The following H1-7 variants were observed in gnomAD, a reference collection of about 807,000 sequenced individuals.
H1-7 encodes the protein H1.7 linker histone.
A neutral mutation model predicts 0.3 loss-of-function variants in H1-7; 1 was observed. The ratio of observed to expected loss-of-function variants is 3.06; its 90% CI spans 1.09 to 14.53. H1-7 has a LOEUF of 14.53. Among genes scored for constraint, H1-7 ranks in the 30% most tolerant of loss-of-function variants. The pLI is 0.12. For synonymous variants in H1-7, 177 were observed against 153.2 expected (o/e 1.16, Z -1.15); for missense variants, 393 against 353.1 (o/e 1.11, Z -0.91).
rs1592133625 is a variant in H1-7, at chr12:48,329,589, C to G, written c.298C>G (p.Pro100Ala). The change falls in exon 1 of 1, where the codon CCC (proline) becomes GCC (alanine). Residue 100 changes from proline to alanine, a missense_variant. Coordinates refer to ENST00000335017, the MANE Select transcript of H1-7 (RefSeq NM_181788.1). ...CAGGAAGAGCGGCCGCCACGAAGCGCCCAGGGGGCAGGCCAAGGCCACGCT... is the reference window on the plus strand; with the variant it reads ...CAGGAAGAGCGGCCGCCACGAAGCGGCCAGGGGGCAGGCCAAGGCCACGCT... Reference protein sequence around the residue: ...VRRKSGRHEAPRGQAKATLLR... With the variant: ...VRRKSGRHEAARGQAKATLLR... The G allele has an allele frequency of 6.2e-7, 1 of 1,613,004 alleles. No homozygotes were observed. Among genetic ancestry groups the G allele is most frequent in the Middle Eastern group, 1.7e-4 (1 of 6,058 alleles).
chr12:48,330,022 A>G lies in H1-7; in HGVS notation c.731A>G (p.Gln244Arg), dbSNP rs773071197. Residue 244 changes from glutamine to arginine, a missense_variant, in exon 1 of 1, where the codon CAG becomes CGG. Transcript: ENST00000335017. ...RRSSKPREEK[Q>R]EPKKPAQRTI... ...AGCTCCAAGCCCAGGGAAGAGAAGC[A>G]GGAGCCCAAGAAGCCCGCACAGCGG... The G allele has an allele frequency of 1.9e-6, 3 of 1,613,572 alleles. No individual in the cohort carries two copies. The highest frequency in any genetic ancestry group is 2.5e-6 in the Non-Finnish European group (3 of 1,179,924).
rs1592133438 is a variant in H1-7 at position 48,329,142 on chromosome 12, G to C, written c.-150G>C. 2.3e-6 allele frequency: 2 copies of C among 874,218 alleles called. No homozygotes were observed. Among genetic ancestry groups the C allele is most frequent in the East Asian group, 5.6e-5 (2 of 35,840 alleles). 54.2% of individuals were successfully genotyped at this position (874,218 alleles called of 1,614,324 possible). The stretch of plus-strand genomic sequence containing the variant: ...GGGGTGGACAGGCGCTGAAGACTTG[G>C]ATTGGTTTAGACCTAGAAGGAAGTG... On this transcript the variant is annotated 5_prime_UTR_variant, in exon 1 of 1. Coordinates refer to ENST00000335017, the MANE Select transcript of H1-7 (RefSeq NM_181788.1).
chr12:48,329,198 G>GC lies in H1-7; in HGVS notation c.-90dup, dbSNP rs1952537465. 7.2e-7 allele frequency: 1 copy of GC among 1,382,544 alleles called. No individual in the cohort carries two copies. The highest frequency in any genetic ancestry group is 2.9e-5 in the Admixed American group (1 of 34,620). 85.6% of individuals were successfully genotyped at this position (1,382,544 alleles called of 1,614,324 possible). On this transcript the variant is annotated 5_prime_UTR_variant, in exon 1 of 1. Transcript: ENST00000335017. ...TGATTGGTTATTATAAGTGAAAAGG[G>GC]CCCCTCCCCGGGTGAGATATGCCAG...
At position 48,329,008 on chromosome 12, in the gene H1-7, G is replaced by A. The variant is rs1414218044; in HGVS notation, c.-284G>A. The A allele has an allele frequency of 2.6e-6, 1 of 385,954 alleles. No individual in the cohort carries two copies. The highest frequency in any genetic ancestry group is 4.6e-6 in the Non-Finnish European group (1 of 216,358). The allele number at this position is 385,954 out of a possible 1,614,324, so 23.9% of individuals were successfully genotyped here. On this transcript the variant is annotated 5_prime_UTR_variant, in exon 1 of 1. Transcript: ENST00000335017. ...GGAACTGTGGGTAGATGGTTTGCAG[G>A]ACCACATACACACACAAAATAGCCG... is the stretch of plus-strand genomic sequence containing the variant.
Position 48,329,614 on chromosome 12 carries a change from T to C in H1-7, c.323T>C (p.Leu108Pro), listed in dbSNP as rs766280749. 3.7e-6 allele frequency: 6 copies of C among 1,612,256 alleles called. No individual in the cohort carries two copies. The East Asian group carries it at 1.3e-4, about 36-fold the overall frequency. The part of the protein sequence containing the change: ...EAPRGQAKAT[L>P]LRVSGSDAAG... ...CCCAGGGGGCAGGCCAAGGCCACGC[T>C]CCTCCGGGTCAGCGGCAGCGACGCC... is the stretch of plus-strand genomic sequence containing the variant. Residue 108 changes from leucine (L) to proline (P), a missense_variant, in exon 1 of 1, where the codon CTC (leucine) becomes CCC (proline). By Grantham distance (98) the Leu-to-Pro change is moderately conservative (BLOSUM62 -3). Transcript: ENST00000335017.
rs768801280 is a variant in H1-7 at position 48,329,339 on chromosome 12, A to G, written c.48A>G (p.Arg16=). 6.2e-6 allele frequency: 10 copies of G among 1,605,590 alleles called. No homozygotes were observed. In the African/African-American group the frequency reaches 1.3e-4, roughly 21 times the overall value. Reference sequence around the variant, plus strand: ...AGGCCCAAAGCCGGTGGCCCCGCAGAGGCGGGAGTGGGGCCATGGCTGAGG... The same window carrying G: ...AGGCCCAAAGCCGGTGGCCCCGCAGGGGCGGGAGTGGGGCCATGGCTGAGG... ...TGEAQSRWPR[R]GGSGAMAEAP... Residue 16 remains arginine (R), a synonymous_variant, in exon 1 of 1, where the codon AGA becomes AGG. Transcript: ENST00000335017.
In H1-7 at chr12:48,329,071, G is replaced by GCCGT; in HGVS notation, c.-221_-220insCCGT. 4.0e-6 allele frequency: 2 copies of GCCGT among 498,230 alleles called. No homozygotes were observed. Among genetic ancestry groups the GCCGT allele is most frequent in the Non-Finnish European group, 6.9e-6 (2 of 288,838 alleles). The allele number at this position is 498,230 out of a possible 1,614,324, so 30.9% of individuals were successfully genotyped here. Reference sequence around the variant, plus strand: ...GGTGGAGATCGAGATCAGTAAGTTTGATTTGGGAACAAAACCCTGGAGACT... The same window carrying GCCGT: ...GGTGGAGATCGAGATCAGTAAGTTTGCCGTATTTGGGAACAAAACCCTGGAGACT... On this transcript the variant is annotated 5_prime_UTR_variant, in exon 1 of 1. Coordinates refer to ENST00000335017, the MANE Select transcript of H1-7 (RefSeq NM_181788.1).
Position 48,329,171 on chromosome 12 carries a change from T to G in H1-7, c.-121T>G. On this transcript the variant is annotated 5_prime_UTR_variant, in exon 1 of 1. Coordinates refer to ENST00000335017, the MANE Select transcript of H1-7 (RefSeq NM_181788.1). ...GGTTTAGACCTAGAAGGAAGTGGCA[T>G]TTGATTGGTTATTATAAGTGAAAAG... 5.1e-6 allele frequency: 6 copies of G among 1,179,620 alleles called. No homozygotes were observed. Among genetic ancestry groups the G allele is most frequent in the Non-Finnish European group, 7.0e-6 (6 of 857,538 alleles). The allele number at this position is 1,179,620 out of a possible 1,614,324, so 73.1% of individuals were successfully genotyped here.
chr12:48,329,861 G>C lies in H1-7; in HGVS notation c.570G>C (p.Arg190Ser). ...CCAATGCCAGGGCGAGGAGGACCAG[G>C]AGGGCAAGGCCGAGAGCCAAGGAGC... ...AKANARARRT[R>S]RARPRAKEPP... The change falls in exon 1 of 1, where the codon AGG becomes AGC. Residue 190 changes from arginine to serine, a missense_variant. By Grantham distance (110) the Arg-to-Ser change is moderately radical. Transcript: ENST00000335017. The C allele has an allele frequency of 6.3e-7, 1 of 1,589,820 alleles. No individual in the cohort carries two copies. The highest frequency in any genetic ancestry group is 8.6e-7 in the Non-Finnish European group (1 of 1,168,688).
the H1-7 span, chr12:48,329,688 G>T: frequency 6.2e-7 from 1 of 1,610,932 alleles, no homozygotes; most frequent in East Asian, 2.2e-5. Context: ...GAGAAAGCCG[G>T]GACGCGCGAG....
Position 48,329,709 on chromosome 12 carries a change from G to C in H1-7, c.418G>C (p.Gly140Arg). Reference protein sequence around the residue: ...RKPGRARQEEGTRAPWRTPAA... With the variant: ...RKPGRARQEERTRAPWRTPAA... ...GCCGGGACGCGCGAGGCAAGAGGAGGGCACGCGCGCTCCCTGGAGGACCCC... is the reference window on the plus strand; with the variant it reads ...GCCGGGACGCGCGAGGCAAGAGGAGCGCACGCGCGCTCCCTGGAGGACCCC... Residue 140 changes from glycine to arginine, a missense_variant, in exon 1 of 1, where the codon GGC (glycine) becomes CGC (arginine). Coordinates refer to ENST00000335017, the MANE Select transcript of H1-7 (RefSeq NM_181788.1). 6.2e-7 allele frequency: 1 copy of C among 1,609,500 alleles called. No homozygotes were observed. Among genetic ancestry groups the C allele is most frequent in the Non-Finnish European group, 8.5e-7 (1 of 1,179,034 alleles).
At position 48,329,098 on chromosome 12, in the gene H1-7, T is replaced by G; in HGVS notation, c.-194T>G. On this transcript the variant is annotated 5_prime_UTR_variant, in exon 1 of 1. Coordinates refer to ENST00000335017, the MANE Select transcript of H1-7 (RefSeq NM_181788.1). The stretch of plus-strand genomic sequence containing the variant: ...TTTGGGAACAAAACCCTGGAGACTC[T>G]ATAGGTAGGTGACTGTTGGGGGTGG... 1 of 593,588 alleles carries G rather than the reference T, an allele frequency of 1.7e-6. No homozygotes were observed. Among genetic ancestry groups the G allele is most frequent in the Non-Finnish European group, 2.9e-6 (1 of 348,592 alleles). 36.8% of individuals were successfully genotyped at this position (593,588 alleles called of 1,614,324 possible). A position where few individuals can be genotyped will look rare whatever the true frequency, so the allele number is the denominator to read the frequency against.
Position 48,329,823 on chromosome 12 carries a change from G to C in H1-7, c.532G>C (p.Ala178Pro). The C allele has an allele frequency of 1.3e-6, 2 of 1,594,506 alleles. No individual in the cohort carries two copies. Among genetic ancestry groups the C allele is most frequent in the South Asian group, 2.3e-5 (2 of 88,694 alleles). The change falls in exon 1 of 1, where the codon GCG (alanine) becomes CCG (proline). Residue 178 changes from alanine to proline, a missense_variant. By Grantham distance (27) the Ala-to-Pro change is conservative (BLOSUM62 -1). Transcript: ENST00000335017. Reference protein sequence around the residue: ...AREVWRRNARAKAKANARARR... With the variant: ...AREVWRRNARPKAKANARARR... ...AGAAGTGTGGAGACGGAACGCGAGGGCGAAAGCCAAGGCCAATGCCAGGGC... is the reference window on the plus strand; with the variant it reads ...AGAAGTGTGGAGACGGAACGCGAGGCCGAAAGCCAAGGCCAATGCCAGGGC...
Position 48,329,683 on chromosome 12 carries a change from A to G in H1-7, c.392A>G (p.Lys131Arg). 6.2e-7 allele frequency: 1 copy of G among 1,611,322 alleles called. No individual in the cohort carries two copies. Among genetic ancestry groups the G allele is most frequent in the Non-Finnish European group, 8.5e-7 (1 of 1,179,494 alleles). Residue 131 changes from lysine (K) to arginine (R), a missense_variant, in exon 1 of 1, where the codon AAG becomes AGG. By Grantham distance (26) the Lys-to-Arg change is conservative. Coordinates refer to ENST00000335017, the MANE Select transcript of H1-7 (RefSeq NM_181788.1). ...RVWKVPKPRR[K>R]PGRARQEEGT... ...TGGAAGGTTCCCAAGCCCAGGAGAA[A>G]GCCGGGACGCGCGAGGCAAGAGGAG... is the stretch of plus-strand genomic sequence containing the variant.
In H1-7 at chr12:48,329,938, G is replaced by A; in HGVS notation, c.647G>A (p.Gly216Glu). 6.2e-7 allele frequency: 1 copy of A among 1,607,216 alleles called. No homozygotes were observed. The highest frequency in any genetic ancestry group is 8.5e-7 in the Non-Finnish European group (1 of 1,177,054). The part of the protein sequence containing the change: ...EEAGATAADE[G>E]RGQAVKEDTT... ...GCGGGAGCGACAGCGGCAGACGAGG[G>A]GCGAGGACAGGCCGTGAAGGAAGAC... The change falls in exon 1 of 1, where the codon GGG becomes GAG. Residue 216 changes from glycine (G) to glutamate (E), a missense_variant. Physicochemically the swap from Gly to Glu is moderately conservative, Grantham distance 98 (BLOSUM62 -2). Transcript: ENST00000335017.
rs76054343 is a variant in H1-7, at chr12:48,330,223, T to C, written c.*164T>C. On this transcript the variant is annotated 3_prime_UTR_variant, in exon 1 of 1. Transcript: ENST00000335017. The stretch of plus-strand genomic sequence containing the variant: ...ACCACGGACCAATGCCTTTCCCCCA[T>C]AGGCCCCAAGAAGAGCGGCTGTCAC... The C allele has an allele frequency of 0.07, 52,481 of 752,198 alleles. 2,365 individuals are homozygous for C. Among genetic ancestry groups the C allele is most frequent in the Non-Finnish European group, 0.091 (42,469 of 466,564 alleles). The allele number at this position is 752,198 out of a possible 1,614,324, so 46.6% of individuals were successfully genotyped here.
Position 48,329,123 on chromosome 12 carries a change from G to T in H1-7, c.-169G>T. The T allele has an allele frequency of 1.4e-6, 1 of 712,132 alleles. No homozygotes were observed. The allele number at this position is 712,132 out of a possible 1,614,324, so 44.1% of individuals were successfully genotyped here. A position where few individuals can be genotyped will look rare whatever the true frequency, so the allele number is the denominator to read the frequency against. ...TATAGGTAGGTGACTGTTGGGGGTGGACAGGCGCTGAAGACTTGGATTGGT... is the reference window on the plus strand; with the variant it reads ...TATAGGTAGGTGACTGTTGGGGGTGTACAGGCGCTGAAGACTTGGATTGGT... On this transcript the variant is annotated 5_prime_UTR_variant, in exon 1 of 1. Coordinates refer to ENST00000335017, the MANE Select transcript of H1-7 (RefSeq NM_181788.1).
chr12:48,329,349 G>T lies in H1-7; in HGVS notation c.58G>T (p.Gly20Trp). ...CCGGTGGCCCCGCAGAGGCGGGAGT[G>T]GGGCCATGGCTGAGGCGCCTGGGCC... ...QSRWPRRGGS[G>W]AMAEAPGPSG... is the part of the protein sequence containing the mutation. The change falls in exon 1 of 1, where the codon GGG becomes TGG. Residue 20 changes from glycine (G) to tryptophan (W), a missense_variant. By Grantham distance (184) the Gly-to-Trp change is radical. Coordinates refer to ENST00000335017, the MANE Select transcript of H1-7 (RefSeq NM_181788.1). The T allele has an allele frequency of 6.2e-7, 1 of 1,607,806 alleles. No individual in the cohort carries two copies. Among genetic ancestry groups the T allele is most frequent in the Admixed American group, 1.7e-5 (1 of 59,670 alleles).
Position 48,329,731 on chromosome 12 carries a change from C to T in H1-7, c.440C>T (p.Thr147Ile). ...GAGGGCACGCGCGCTCCCTGGAGGACCCCAGCCGCGCCCCGGAGCTCCCGG... is the reference window on the plus strand; with the variant it reads ...GAGGGCACGCGCGCTCCCTGGAGGATCCCAGCCGCGCCCCGGAGCTCCCGG... ...QEEGTRAPWR[T>I]PAAPRSSRRR... Residue 147 changes from threonine to isoleucine, a missense_variant, in exon 1 of 1, where the codon ACC becomes ATC. Coordinates refer to ENST00000335017, the MANE Select transcript of H1-7 (RefSeq NM_181788.1). The T allele has an allele frequency of 6.2e-7, 1 of 1,605,454 alleles. No individual in the cohort carries two copies. Among genetic ancestry groups the T allele is most frequent in the South Asian group, 1.1e-5 (1 of 90,250 alleles).
Sources: allele counts gnomAD v4.1 joint callset, GRCh38; gene constraint gnomAD v4.1.1; transcripts MANE v1.5; gene names NCBI Gene and HGNC (gene_info 2026-07-23, HGNC 2026-07-21).